The following PRKG2 variants were observed in gnomAD, a reference collection of about 807,000 sequenced individuals.
The protein encoded by PRKG2 is protein kinase cGMP-dependent 2, also known as cGMP-dependent protein kinase 2.
In PRKG2, 33 loss-of-function variants were observed where a neutral mutation model predicts 97.2. That is an observed-to-expected ratio of 0.34 (90% CI 0.26 to 0.45). The LOEUF (loss-of-function observed/expected upper bound fraction) is 0.45, where lower values mean the gene tolerates loss of function less well. Among genes scored for constraint, PRKG2 ranks in the 20% least tolerant of loss-of-function variants. The pLI, the probability that PRKG2 is intolerant of heterozygous loss-of-function variation, is 1.00. For synonymous variants in PRKG2, 330 were observed against 321.8 expected, an observed-to-expected ratio of 1.03 and a Z score of -0.27; for missense variants, 638 against 900.0, an observed-to-expected ratio of 0.71 and a Z score of 3.73.
intron 14 of PRKG2, among the ~76,000 whole-genome samples, chr4:81,123,705 A>G (rs1268761283): frequency 6.6e-6 from 1 of 152,108 alleles, no homozygotes; most frequent in Non-Finnish European, 1.5e-5. Context: ...CACCTGGCCA[A>G]TTTTTATTTT....
intron 12 of PRKG2, among the ~76,000 whole-genome samples, chr4:81,139,583 C>T (rs542110625): frequency 1.3e-5 from 2 of 150,268 alleles, no homozygotes; most frequent in Admixed American, 6.6e-5. Context: ...CTGGCTAACA[C>T]GGTGAAACCC....
chr4:81,089,696 A>G lies in PRKG2; in HGVS notation c.*12T>C, dbSNP rs1309880338. 1 of 1,570,464 alleles carries G rather than the reference A, an allele frequency of 6.4e-7. No homozygotes were observed. Among genetic ancestry groups the G allele is most frequent in the South Asian group, 1.1e-5 (1 of 90,036 alleles). ...TTCTGTAGAGTACAGGCAGTAATCAACTTTTCTTCTGTCAGAAGTCTTTAT... is the reference window on the plus strand; with the variant it reads ...TTCTGTAGAGTACAGGCAGTAATCAGCTTTTCTTCTGTCAGAAGTCTTTAT... On this transcript the variant is annotated 3_prime_UTR_variant, in exon 19 of 19. Coordinates refer to ENST00000264399, the MANE Select transcript of PRKG2 (RefSeq NM_006259.3).
At chr4:81,132,076 G>GT (rs909366841) in intron 14 of PRKG2, among the ~76,000 whole-genome samples, 106 of 151,098 alleles carry the variant, frequency 7.0e-4, no homozygotes, top group African/African-American at 2.4e-3. Flanking sequence ...TGCCATTTAG[G>GT]TTTTTTTTCA....
At chr4:81,153,329 T>C (rs570763280) in intron 7 of PRKG2, 9 of 200,810 alleles carry the variant, frequency 4.5e-5, no homozygotes, top group Middle Eastern at 2.0e-3. Flanking sequence ...CTGGGGATGA[T>C]TGAGAATCAC....
At chr4:81,143,780 T>C (rs1021252463) in intron 10 of PRKG2, among the ~76,000 whole-genome samples, 1 of 152,184 alleles carries the variant, frequency 6.6e-6, no homozygotes, top group Non-Finnish European at 1.5e-5. Flanking sequence ...TAGAGTTTTC[T>C]AGTACACACA....
chr4:81,174,150 C>T (rs938507118), intron 3 of PRKG2, among the ~76,000 whole-genome samples: 11 of 151,898 alleles, frequency 7.2e-5, no homozygotes, highest in Non-Finnish European at 1.3e-4. Context: ...TTCAAATTAC[C>T]ACAGATGAAG....
At chr4:81,185,991 CAA>C (rs771321519) in intron 2 of PRKG2, among the ~76,000 whole-genome samples, 1 of 152,162 alleles carries the variant, frequency 6.6e-6, no homozygotes, top group Non-Finnish European at 1.5e-5. Flanking sequence ...TAGAAACCTA[CAA>C]AGAGACTTAG....
chr4:81,102,060 G>A (rs1170106529), intron 17 of PRKG2, among the ~76,000 whole-genome samples: 5 of 152,154 alleles, frequency 3.3e-5, no homozygotes, highest in Non-Finnish European at 7.3e-5. Flanking sequence ...CGAAGACACC[G>A]TAAATTTGGT....
At chr4:81,162,720 G>T (rs1749674793) in intron 6 of PRKG2, among the ~76,000 whole-genome samples, 1 of 152,132 alleles carries the variant, frequency 6.6e-6, no homozygotes, top group African/African-American at 2.4e-5. Context: ...CAGTGGAGAT[G>T]ACTATGACCC....
chr4:81,094,895 C>T (rs997169626), intron 17 of PRKG2, among the ~76,000 whole-genome samples: 1 of 152,122 alleles, frequency 6.6e-6, no homozygotes, highest in African/African-American at 2.4e-5. Context: ...AATCAGAAAG[C>T]TCTAAGTAAA....
chr4:81,142,970 TAC>T (rs148938061), intron 10 of PRKG2, 23 bp from the exon 11 acceptor site: 38 of 1,585,878 alleles, frequency 2.4e-5, no homozygotes, highest in South Asian at 1.3e-4. Context: ...AGTGAAACTT[TAC>T]ACACACACAC....
intron 14 of PRKG2, among the ~76,000 whole-genome samples, chr4:81,131,031 T>G (rs368109517): frequency 2.6e-5 from 4 of 152,076 alleles, no homozygotes; most frequent in African/African-American, 9.7e-5. Context: ...CACTGGGGTA[T>G]GAGAAAAAAA....
At chr4:81,096,694 A>G (rs532180442) in intron 17 of PRKG2, among the ~76,000 whole-genome samples, 7 of 152,328 alleles carry the variant, frequency 4.6e-5, no homozygotes, top group African/African-American at 1.7e-4. Flanking sequence ...TCAAGAAACC[A>G]CTTTCTTTGC....
At chr4:81,115,222 C>T (rs1295811019) in intron 14 of PRKG2, among the ~76,000 whole-genome samples, 4 of 152,016 alleles carry the variant, frequency 2.6e-5, no homozygotes, top group African/African-American at 7.2e-5. Context: ...ATATTGCCAC[C>T]CCTTTGTATA....
intron 17 of PRKG2, among the ~76,000 whole-genome samples, chr4:81,102,947 C>T (rs1468473908): frequency 6.6e-6 from 1 of 150,780 alleles, no homozygotes; most frequent in Non-Finnish European, 1.5e-5. Flanking sequence ...TAAAAGTGAA[C>T]ATATCTGTGT....
At chr4:81,144,599 T>C (rs991678921) in intron 9 of PRKG2, among the ~76,000 whole-genome samples, 3 of 129,346 alleles carry the variant, frequency 2.3e-5, no homozygotes, top group African/African-American at 4.2e-5. Flanking sequence ...TAAGGTTATA[T>C]ATATATATAT....
At chr4:81,200,413 C>G (rs184610390) in intron 2 of PRKG2, among the ~76,000 whole-genome samples, 29 of 152,318 alleles carry the variant, frequency 1.9e-4, no homozygotes, top group Non-Finnish European at 3.7e-4. Context: ...GGCATCGATG[C>G]AATGGGCCAC....
In PRKG2 at chr4:81,172,867, G is replaced by C. The variant is rs148676929; in HGVS notation, c.629-1063C>G. On this transcript the variant is annotated intron_variant, in intron 3 of 18. Transcript: ENST00000264399. ...GTTCCAAGTGCCAGAGCCATAGAGA[G>C]GACAAAAGAGAAGATATCCTTAGCC... 2.5e-3 allele frequency among the ~76,000 whole-genome samples: 386 copies of C among 152,106 alleles called. 4 individuals carry two copies. Among genetic ancestry groups the C allele is most frequent in the Middle Eastern group, 6.8e-3 (2 of 294 alleles).
chr4:81,139,229 G>T (rs113848790), intron 12 of PRKG2, among the ~76,000 whole-genome samples: 17 of 152,216 alleles, frequency 1.1e-4, no homozygotes, highest in African/African-American at 3.9e-4. Context: ...TAGGACCAGG[G>T]TACATTCCCC....
Sources: gnomAD v4.1 joint callset for allele counts (sites outside exome capture counted in the v4.1 genomes callset) on GRCh38, gnomAD v4.1.1 for gene constraint, MANE v1.5 for transcripts, NCBI Gene and HGNC (gene_info 2026-07-23, HGNC 2026-07-21) for gene names.